HIVEP3: variants seen among roughly 807,000 people sequenced by gnomAD.
The protein encoded by HIVEP3 is transcription factor HIVEP3.
HIVEP3 carries 49 observed loss-of-function variants against 152.8 expected under a neutral mutation model. The ratio of observed to expected loss-of-function variants is 0.32; its 90% CI spans 0.26 to 0.41. The LOEUF is 0.41. Among genes scored for constraint, HIVEP3 ranks in the 10% least tolerant of loss-of-function variants. The pLI is 1.00. For synonymous variants in HIVEP3, 1,269 were observed against 1,289.0 expected, an observed-to-expected ratio of 0.98 and a Z score of 0.33; for missense variants, 2,790 against 3,103.3, an observed-to-expected ratio of 0.90 and a Z score of 2.40.
At chr1:41,775,440 C>T (rs1648634850) in intron 1 of HIVEP3, among the ~76,000 whole-genome samples, 1 of 152,176 alleles carries the variant, frequency 6.6e-6, no homozygotes, top group South Asian at 2.1e-4. Flanking sequence ...CAGATCACCT[C>T]AAGGCTCTAA....
chr1:41,758,074 A>C (rs995461803), intron 1 of HIVEP3, among the ~76,000 whole-genome samples: 2 of 152,138 alleles, frequency 1.3e-5, no homozygotes, highest in Non-Finnish European at 2.9e-5. Context: ...TGAAGTACAC[A>C]ATCACAAACA....
Position 41,939,418 on chromosome 1 carries a change from C to T in HIVEP3, n.120-20894G>A, listed in dbSNP as rs72949477. Among the ~76,000 whole-genome samples, 742 of 152,268 alleles carry T rather than the reference C, an allele frequency of 4.9e-3. 3 individuals are homozygous for T. Among genetic ancestry groups the T allele is most frequent in the African/African-American group, 0.017 (714 of 41,538 alleles). On this transcript the variant is annotated intron_variant and non_coding_transcript_variant, in intron 1 of 3. Coordinates refer to the HIVEP3 transcript ENST00000489103. ...CACCAGGCAGGTGCTGACGAGTCTC[C>T]GGAAAGGTGGGAGAGCCACCGCAGT...
intron 1 of HIVEP3, among the ~76,000 whole-genome samples, chr1:42,026,007 C>A (rs542063211): frequency 1.3e-5 from 2 of 151,922 alleles, no homozygotes; most frequent in African/African-American, 4.8e-5. Flanking sequence ...GAGGTTGAAG[C>A]TGCAGTGAGC....
chr1:41,774,653 T>C (rs181938445), intron 1 of HIVEP3, among the ~76,000 whole-genome samples: 7 of 152,164 alleles, frequency 4.6e-5, no homozygotes, highest in African/African-American at 1.7e-4. Context: ...ATAAAAGGAG[T>C]TGCTCAATTC....
chr1:41,641,186 G>A (rs1011943496), intron 2 of HIVEP3, among the ~76,000 whole-genome samples: 4 of 152,230 alleles, frequency 2.6e-5, no homozygotes, highest in African/African-American at 9.6e-5. Context: ...AGCAAAGCAG[G>A]TGGAGGCCTC....
At chr1:41,585,595 G>C (rs1160084643) in intron 3 of HIVEP3, among the ~76,000 whole-genome samples, 1 of 152,214 alleles carries the variant, frequency 6.6e-6, no homozygotes, top group Non-Finnish European at 1.5e-5. Flanking sequence ...GCTGAGAACA[G>C]AAGGCAAAGT....
intron 1 of HIVEP3, among the ~76,000 whole-genome samples, chr1:42,031,807 T>A (rs554059625): frequency 6.6e-6 from 1 of 152,210 alleles, no homozygotes; most frequent in African/African-American, 2.4e-5. Context: ...AAATGTTGTA[T>A]CCTAAGCCAG....
chr1:41,671,569 A>G (rs1453277924), intron 2 of HIVEP3, among the ~76,000 whole-genome samples: 2 of 152,226 alleles, frequency 1.3e-5, no homozygotes, highest in African/African-American at 4.8e-5. Context: ...ACATCTACAG[A>G]GTCCTATAGC....
chr1:41,685,423 G>A lies in HIVEP3; in HGVS notation c.-721+15493C>T, dbSNP rs144671433. ...ATACAGTACAAGTCTTTGTTTCCTTGCCTGTTTCCTCCACTGCACTGTAAG... is the reference window on the plus strand; with the variant it reads ...ATACAGTACAAGTCTTTGTTTCCTTACCTGTTTCCTCCACTGCACTGTAAG... On this transcript the variant is annotated intron_variant, in intron 2 of 8. Transcript: ENST00000372583. Among the ~76,000 whole-genome samples, 24 of 152,312 alleles carry A rather than the reference G, an allele frequency of 1.6e-4. No individual in the cohort carries two copies. In the East Asian group the frequency reaches 4.6e-3, roughly 29 times the overall value.
chr1:41,923,387 C>G (rs1644951159), upstream of HIVEP3, among the ~76,000 whole-genome samples: 1 of 152,014 alleles, frequency 6.6e-6, no homozygotes, highest in African/African-American at 2.4e-5. Context: ...AAGCCAGGCA[C>G]AGAGAAACAA....
intron 6 of HIVEP3, among the ~76,000 whole-genome samples, chr1:41,523,254 G>A (rs1462650489): frequency 1.3e-5 from 2 of 152,230 alleles, no homozygotes; most frequent in Non-Finnish European, 2.9e-5. Flanking sequence ...ATGCTGGGCA[G>A]GGCTGCAGGG....
At chr1:41,611,791 G>A (rs560733827) in intron 3 of HIVEP3, among the ~76,000 whole-genome samples, 2 of 152,262 alleles carry the variant, frequency 1.3e-5, no homozygotes, top group East Asian at 1.9e-4. Flanking sequence ...ATTCCATATC[G>A]GAAAAATATG....
chr1:41,879,917 G>A (rs552501533), intron 1 of HIVEP3, among the ~76,000 whole-genome samples: 1 of 152,316 alleles, frequency 6.6e-6, no homozygotes, highest in South Asian at 2.1e-4. Flanking sequence ...CTTCTTAGGT[G>A]CCTAGCATGG....
Position 42,009,317 on chromosome 1 carries a change from C to T in HIVEP3, n.119+26490G>A, listed in dbSNP as rs998879536. ...TGTTGCTGAGAGCTTTTATTCTTCT[C>T]TTTGGTACACACAGGTAGGGAGCAG... On this transcript the variant is annotated intron_variant and non_coding_transcript_variant, in intron 1 of 3. Transcript: ENST00000489103. 4.6e-5 allele frequency among the ~76,000 whole-genome samples: 7 copies of T among 152,266 alleles called. No individual in the cohort carries two copies. The South Asian group carries it at 1.5e-3, about 32-fold the overall frequency.
chr1:41,772,649 C>T (rs1206413728), intron 1 of HIVEP3, among the ~76,000 whole-genome samples: 1 of 152,184 alleles, frequency 6.6e-6, no homozygotes, highest in Admixed American at 6.5e-5. Flanking sequence ...GTGGCTCATG[C>T]CTGTAATCCC....
At chr1:41,957,472 A>G (rs918393687) in intron 1 of HIVEP3, among the ~76,000 whole-genome samples, 2 of 152,218 alleles carry the variant, frequency 1.3e-5, no homozygotes, top group Non-Finnish European at 2.9e-5. Context: ...CTTCCACATA[A>G]ATAGCTTAGG....
At chr1:41,589,929 A>G (rs926579011) in intron 3 of HIVEP3, among the ~76,000 whole-genome samples, 1 of 152,260 alleles carries the variant, frequency 6.6e-6, no homozygotes, top group Non-Finnish European at 1.5e-5. Context: ...TAACTTTAAT[A>G]CCTGGGAACC....
intron 5 of HIVEP3, among the ~76,000 whole-genome samples, chr1:41,566,304 C>T (rs1644161553): frequency 6.6e-6 from 1 of 152,200 alleles, no homozygotes; most frequent in Non-Finnish European, 1.5e-5. Flanking sequence ...ATCCTCCCCA[C>T]TGCCCACCCC....
At chr1:41,717,408 A>G (rs1570386594) in intron 1 of HIVEP3, among the ~76,000 whole-genome samples, 1 of 152,370 alleles carries the variant, frequency 6.6e-6, no homozygotes, top group Non-Finnish European at 1.5e-5. Context: ...GTCAGGTGGT[A>G]ATGAGCCCTA....
Sources: allele counts gnomAD v4.1 joint callset (sites outside exome capture counted in the v4.1 genomes callset), GRCh38; gene constraint gnomAD v4.1.1; transcripts MANE v1.5; gene names NCBI Gene and HGNC (gene_info 2026-07-23, HGNC 2026-07-21).